TMED3: variants seen among roughly 807,000 people sequenced by gnomAD.
TMED3 encodes the protein transmembrane p24 trafficking protein 3.
Under a neutral mutation model 15.0 loss-of-function variants are expected in TMED3, and 9 were observed. That is an observed-to-expected ratio of 0.60 (90% CI 0.36 to 1.04). The LOEUF (loss-of-function observed/expected upper bound fraction) is 1.04, where lower values mean the gene tolerates loss of function less well. Among genes scored for constraint, TMED3 ranks in the 50% least tolerant of loss-of-function variants. TMED3 has a pLI of 0.01. For synonymous variants in TMED3, 117 were observed against 121.4 expected (o/e 0.96, Z 0.24); for missense variants, 267 against 278.9 (o/e 0.96, Z 0.30).
intron 2 of TMED3, chr15:79,383,590 C>T (rs60966676): frequency 0.033 from 5,076 of 152,666 alleles, 270 homozygotes; most frequent in African/African-American, 0.11. Context: ...CTCCCCGCAA[C>T]GATGTGTGAC....
At position 79,349,988 on chromosome 15, in the gene TMED3, C is replaced by T. The variant is rs79488803; in HGVS notation, c.417+35983C>T. Reference sequence around the variant, plus strand: ...TTTTACATGTATCCCTCTCTATTTTCTTCCTGTTTGTTTTCTGTTTCCTTC... The same window carrying T: ...TTTTACATGTATCCCTCTCTATTTTTTTCCTGTTTGTTTTCTGTTTCCTTC... On this transcript the variant is annotated intron_variant, in intron 2 of 2. Coordinates refer to the TMED3 transcript ENST00000424155. Among the ~76,000 whole-genome samples the T allele has an allele frequency of 9.8e-3, 1,489 of 152,316 alleles. 21 individuals carry two copies. The highest frequency in any genetic ancestry group is 0.034 in the African/African-American group (1,426 of 41,582).
chr15:79,370,563 G>T (rs1224323262), intron 2 of TMED3, among the ~76,000 whole-genome samples: 2 of 152,108 alleles, frequency 1.3e-5, no homozygotes, highest in Non-Finnish European at 2.9e-5. Flanking sequence ...ACCTAGAGTG[G>T]TTTCTGTTTT....
chr15:79,413,054 G>GA (rs528186344), exon 3 of TMED3: 29 of 150,398 alleles, frequency 1.9e-4, no homozygotes, highest in South Asian at 1.3e-3. Context: ...GGATACAAGA[G>GA]AAAAAAAAAC....
intron 2 of TMED3, among the ~76,000 whole-genome samples, chr15:79,411,113 A>G (rs1018092066): frequency 2.0e-5 from 3 of 152,168 alleles, no homozygotes; most frequent in African/African-American, 7.2e-5. Flanking sequence ...AGTTGCAGAG[A>G]TATTAGGTAA....
At chr15:79,411,239 G>A (rs902300558) in intron 2 of TMED3, among the ~76,000 whole-genome samples, 19 of 152,202 alleles carry the variant, frequency 1.2e-4, no homozygotes, top group Non-Finnish European at 2.9e-5. Context: ...AAACTTTCTG[G>A]CTAGGGGAGG....
At chr15:79,381,808 TAAC>T (rs371652491) in intron 2 of TMED3, among the ~76,000 whole-genome samples, 6 of 152,312 alleles carry the variant, frequency 3.9e-5, no homozygotes, top group African/African-American at 1.2e-4. Context: ...ACTGTTGACT[TAAC>T]AATGTCAGAG....
downstream of TMED3, among the ~76,000 whole-genome samples, chr15:79,325,860 A>G (rs2058785422): frequency 6.6e-6 from 1 of 152,168 alleles, no homozygotes; most frequent in African/African-American, 2.4e-5. Flanking sequence ...AGACTCAGCA[A>G]GCCATCTTAT....
rs539223073 is a variant in TMED3, at chr15:79,363,453, G to C, written c.418-47947G>C. ...GCCAGTGACTTTATATTTAAGGAAT[G>C]CTTATAATTTGCTTTTTAAAACTCC... On this transcript the variant is annotated intron_variant, in intron 2 of 2. Coordinates refer to the TMED3 transcript ENST00000424155. 2.1e-5 allele frequency among the ~76,000 whole-genome samples: 3 copies of C among 144,554 alleles called. No homozygotes were observed. The East Asian group carries it at 6.1e-4, about 29-fold the overall frequency. The allele number at this position is 144,554 out of a possible 152,430, so 94.8% of individuals were successfully genotyped here.
At chr15:79,409,946 G>A (rs1246829334) in intron 2 of TMED3, among the ~76,000 whole-genome samples, 1 of 152,080 alleles carries the variant, frequency 6.6e-6, no homozygotes, top group African/African-American at 2.4e-5. Flanking sequence ...CTGTAGAGGG[G>A]TAAACTAATA....
intron 2 of TMED3, among the ~76,000 whole-genome samples, chr15:79,367,009 C>T (rs548121420): frequency 6.6e-6 from 1 of 152,116 alleles, no homozygotes; most frequent in Non-Finnish European, 1.5e-5. Flanking sequence ...TCAAAAAGCA[C>T]AGCACAATCT....
rs377315545 is a variant in TMED3 at position 79,409,492 on chromosome 15, A to C, written c.418-1908A>C. Among the ~76,000 whole-genome samples, 20 of 152,340 alleles carry C rather than the reference A, an allele frequency of 1.3e-4. 1 individual carries two copies. Among genetic ancestry groups the C allele is most frequent in the Non-Finnish European group, 8.8e-5 (6 of 68,026 alleles). On this transcript the variant is annotated intron_variant, in intron 2 of 2. Transcript: ENST00000424155. ...TTGCAAAGTCACAAACACTGCTCAG[A>C]GTTCATGCAAATGGGCCCGCTAACA...
intron 2 of TMED3, among the ~76,000 whole-genome samples, chr15:79,362,279 C>A (rs912296139): frequency 2.1e-5 from 3 of 144,862 alleles, no homozygotes; most frequent in African/African-American, 7.7e-5. Flanking sequence ...CAGCCTGGGG[C>A]ATATAGTGTG....
chr15:79,335,967 A>G (rs2058825479), intron 2 of TMED3, among the ~76,000 whole-genome samples: 1 of 151,250 alleles, frequency 6.6e-6, no homozygotes, highest in Non-Finnish European at 1.5e-5. Context: ...CATCTTACAG[A>G]TGAGGAAACT....
At chr15:79,343,351 C>A (rs1219936262) in intron 2 of TMED3, among the ~76,000 whole-genome samples, 1 of 152,186 alleles carries the variant, frequency 6.6e-6, no homozygotes, top group Non-Finnish European at 1.5e-5. Flanking sequence ...ATCTGCGTAC[C>A]TTTGTCACTT....
chr15:79,405,244 G>A (rs1188434698), intron 2 of TMED3, among the ~76,000 whole-genome samples: 1 of 152,172 alleles, frequency 6.6e-6, no homozygotes, highest in East Asian at 1.9e-4. Context: ...CTTTGATCTA[G>A]AACTCTGGGG....
chr15:79,411,812 C>A, exon 3 of TMED3: 1 of 303,132 alleles, frequency 3.3e-6, no homozygotes, highest in Admixed American at 4.1e-5. Flanking sequence ...GGTGTGGGAG[C>A]ATTTGCAATA....
intron 2 of TMED3, among the ~76,000 whole-genome samples, chr15:79,392,811 A>G (rs939467784): frequency 6.6e-6 from 1 of 152,252 alleles, no homozygotes; most frequent in African/African-American, 2.4e-5. Flanking sequence ...GACACTACAC[A>G]TTCAGTACCA....
intron 1 of TMED3, among the ~76,000 whole-genome samples, chr15:79,312,046 G>A (rs527491462): frequency 6.6e-6 from 1 of 152,330 alleles, no homozygotes; most frequent in East Asian, 1.9e-4. Context: ...TCCTTTGAGA[G>A]ATCCCGTGGC....
chr15:79,409,214 T>G (rs941791386), intron 2 of TMED3, among the ~76,000 whole-genome samples: 1 of 152,250 alleles, frequency 6.6e-6, no homozygotes, highest in African/African-American at 2.4e-5. Context: ...GAGAGACTTT[T>G]CTTGATGAGC....
Sources: allele counts gnomAD v4.1 joint callset (sites outside exome capture counted in the v4.1 genomes callset), GRCh38; gene constraint gnomAD v4.1.1; transcripts MANE v1.5; gene names NCBI Gene and HGNC (gene_info 2026-07-23, HGNC 2026-07-21).